The following MBD5 variants were observed in gnomAD, a reference collection of about 807,000 sequenced individuals.
MBD5 encodes methyl-CpG-binding domain protein 5.
MBD5 carries 13 observed loss-of-function variants against 117.3 expected under a neutral mutation model. The observed-to-expected ratio is 0.11, with a 90% CI of 0.07 to 0.18. The LOEUF (loss-of-function observed/expected upper bound fraction) is 0.18. MBD5 is among the 10% of genes least tolerant of loss of function. The probability of loss-of-function intolerance (pLI) is 1.00; values close to 1 mark genes in which losing one functional copy is unlikely to be tolerated. For missense variants in MBD5, 1,879 were observed against 2,093.8 expected (o/e 0.90, Z 2.00); for synonymous variants, 727 against 766.4 (o/e 0.95, Z 0.85).
chr2:148,398,433 G>A (rs1480670471), intron 4 of MBD5, among the ~76,000 whole-genome samples: 3 of 151,900 alleles, frequency 2.0e-5, no homozygotes, highest in Admixed American at 2.0e-4. Flanking sequence ...TGTGTCTTTT[G>A]GCTGCATAAA....
At chr2:148,300,936 C>T (rs1701765581) in intron 3 of MBD5, among the ~76,000 whole-genome samples, 1 of 152,204 alleles carries the variant, frequency 6.6e-6, no homozygotes, top group South Asian at 2.1e-4. Context: ...AGTAGCATTG[C>T]ATGCTGCACG....
intron 4 of MBD5, among the ~76,000 whole-genome samples, chr2:148,420,761 T>C (rs66820471): frequency 0.24 from 36,969 of 151,982 alleles, 5,133 homozygotes; most frequent in African/African-American, 0.38. Flanking sequence ...GGTCTCACTC[T>C]GTTGCTCAGG....
At chr2:148,037,377 C>A (rs1458514282) in intron 1 of MBD5, among the ~76,000 whole-genome samples, 1 of 151,942 alleles carries the variant, frequency 6.6e-6, no homozygotes, top group Non-Finnish European at 1.5e-5. Context: ...GAAACCTAAT[C>A]ACCCAGTAAC....
At chr2:148,166,646 T>C (rs1281034954) in intron 1 of MBD5, among the ~76,000 whole-genome samples, 1 of 152,164 alleles carries the variant, frequency 6.6e-6, no homozygotes, top group Non-Finnish European at 1.5e-5. Flanking sequence ...CTCATTTAAT[T>C]CTTTAAGTAT....
intron 3 of MBD5, among the ~76,000 whole-genome samples, chr2:148,336,864 G>T (rs1216552371): frequency 1.3e-5 from 2 of 152,112 alleles, no homozygotes; most frequent in Admixed American, 1.3e-4. Flanking sequence ...AGTTCCGCTT[G>T]CTTGGCCTCT....
intron 1 of MBD5, among the ~76,000 whole-genome samples, chr2:148,066,303 C>A (rs757656775): frequency 4.1e-4 from 62 of 152,084 alleles, no homozygotes; most frequent in Admixed American, 1.1e-3. Context: ...CAAAGCAAGA[C>A]CCTGTCTCAG....
At chr2:148,484,510 AG>A (rs1681273091) in intron 9 of MBD5, among the ~76,000 whole-genome samples, 1 of 152,232 alleles carries the variant, frequency 6.6e-6, no homozygotes, top group Non-Finnish European at 1.5e-5. Flanking sequence ...GTGGCATCAC[AG>A]GGTTAGTATG....
chr2:148,372,212 TA>T (rs1165875296), intron 4 of MBD5, among the ~76,000 whole-genome samples: 1 of 152,132 alleles, frequency 6.6e-6, no homozygotes, highest in Non-Finnish European at 1.5e-5. Context: ...TATCTAAAGA[TA>T]AACAGCAGTT....
At chr2:148,246,997 A>G (rs1700352671) in intron 3 of MBD5, among the ~76,000 whole-genome samples, 2 of 152,136 alleles carry the variant, frequency 1.3e-5, no homozygotes, top group South Asian at 4.1e-4. Flanking sequence ...TGTTTACCTT[A>G]TTGATGTTAT....
intron 2 of MBD5, among the ~76,000 whole-genome samples, chr2:148,203,019 C>T (rs1228637969): frequency 9.3e-5 from 14 of 151,156 alleles, no homozygotes; most frequent in Admixed American, 4.0e-4. Flanking sequence ...GCAGGAGAAT[C>T]GCTTGAACTT....
intron 4 of MBD5, among the ~76,000 whole-genome samples, chr2:148,402,142 C>T (rs1043196658): frequency 6.6e-6 from 1 of 151,942 alleles, no homozygotes; most frequent in African/African-American, 2.4e-5. Flanking sequence ...GCTATTTTCC[C>T]CCTTTGTCAT....
intron 8 of MBD5, among the ~76,000 whole-genome samples, chr2:148,475,670 G>A (rs1680940999): frequency 6.6e-6 from 1 of 152,028 alleles, no homozygotes; most frequent in African/African-American, 2.4e-5. Flanking sequence ...AAATCCTTCA[G>A]TTCTCTAGAA....
intron 2 of MBD5, among the ~76,000 whole-genome samples, chr2:148,195,601 AT>A (rs1364093195): frequency 6.6e-6 from 1 of 152,202 alleles, no homozygotes; most frequent in South Asian, 2.1e-4. Context: ...CAGAATACAC[AT>A]TTTTTTCACT....
intron 3 of MBD5, among the ~76,000 whole-genome samples, chr2:148,237,205 C>T (rs1700109359): frequency 6.6e-6 from 1 of 152,212 alleles, no homozygotes; most frequent in African/African-American, 2.4e-5. Flanking sequence ...TCTTATCATT[C>T]ATGTATTCAC....
intron 2 of MBD5, among the ~76,000 whole-genome samples, chr2:148,215,933 C>A (rs1298626182): frequency 6.6e-6 from 1 of 152,018 alleles, no homozygotes. Flanking sequence ...CAAATGCAAG[C>A]TTTATTTGGT....
At chr2:148,508,754 A>G (rs776250657) in intron 12 of MBD5, among the ~76,000 whole-genome samples, 4 of 152,242 alleles carry the variant, frequency 2.6e-5, no homozygotes, top group Non-Finnish European at 5.9e-5. Context: ...CCCTTCAGTT[A>G]AACTGACCTA....
At chr2:148,323,177 A>C (rs1702336925) in intron 3 of MBD5, among the ~76,000 whole-genome samples, 1 of 151,942 alleles carries the variant, frequency 6.6e-6, no homozygotes, top group Non-Finnish European at 1.5e-5. Context: ...ACATGAACTC[A>C]TCATTTTTTA....
intron 2 of MBD5, among the ~76,000 whole-genome samples, chr2:148,204,655 G>A (rs776139820): frequency 2.7e-4 from 41 of 152,328 alleles, no homozygotes; most frequent in Non-Finnish European, 4.6e-4. Flanking sequence ...CCAGTTGCCA[G>A]TGGAGTAACA....
chr2:148,348,054 T>C (rs908991067), intron 4 of MBD5, among the ~76,000 whole-genome samples: 5 of 151,966 alleles, frequency 3.3e-5, no homozygotes, highest in African/African-American at 1.2e-4. Context: ...AATAAGTAAT[T>C]GTATAATGCT....
Sources: allele counts gnomAD v4.1 joint callset (sites outside exome capture counted in the v4.1 genomes callset), GRCh38; gene constraint gnomAD v4.1.1; transcripts MANE v1.5; gene names NCBI Gene and HGNC (gene_info 2026-07-23, HGNC 2026-07-21).